The following ANKS1B variants were observed in gnomAD, a reference collection of about 807,000 sequenced individuals.
ANKS1B encodes ankyrin repeat and sterile alpha motif domain-containing protein 1B.
ANKS1B carries 36 observed loss-of-function variants against 148.3 expected under a neutral mutation model. The ratio of observed to expected loss-of-function variants is 0.24; its 90% CI spans 0.19 to 0.32. ANKS1B has a LOEUF of 0.32. ANKS1B is among the 10% of genes least tolerant of loss of function. The probability of loss-of-function intolerance (pLI) is 1.00; values close to 1 mark genes in which losing one functional copy is unlikely to be tolerated. For synonymous variants in ANKS1B, 542 were observed against 560.8 expected, an observed-to-expected ratio of 0.97 and a Z score of 0.47; for missense variants, 1,157 against 1,542.6, an observed-to-expected ratio of 0.75 and a Z score of 4.19.
chr12:99,458,248 C>G (rs2095878568), intron 10 of ANKS1B, among the ~76,000 whole-genome samples: 2 of 151,962 alleles, frequency 1.3e-5, no homozygotes, highest in African/African-American at 4.8e-5. Context: ...CACAACCTAT[C>G]AAAACCTCTG....
intron 9 of ANKS1B, among the ~76,000 whole-genome samples, chr12:99,593,290 C>A (rs1315168351): frequency 6.6e-6 from 1 of 151,812 alleles, no homozygotes; most frequent in Non-Finnish European, 1.5e-5. Context: ...TCATGAAGTA[C>A]AGTGATATAA....
chr12:99,084,318 G>C (rs888070783), intron 16 of ANKS1B, among the ~76,000 whole-genome samples: 2 of 152,116 alleles, frequency 1.3e-5, no homozygotes, highest in Admixed American at 6.5e-5. Context: ...CTGCCACCTG[G>C]GGGGCCAGAA....
intron 1 of ANKS1B, among the ~76,000 whole-genome samples, chr12:99,964,140 A>G (rs1446493968): frequency 1.3e-5 from 2 of 152,202 alleles, no homozygotes; most frequent in Admixed American, 6.5e-5. Flanking sequence ...AAAGCCCATT[A>G]AAGAATGCAA....
chr12:98,783,969 T>C (rs918990113), intron 22 of ANKS1B, among the ~76,000 whole-genome samples: 6 of 152,014 alleles, frequency 3.9e-5, no homozygotes, highest in South Asian at 2.1e-4. Context: ...AGTAGAGGCA[T>C]TGGAGAACAG....
chr12:99,227,665 T>G (rs370751340), intron 14 of ANKS1B, among the ~76,000 whole-genome samples: 3 of 152,302 alleles, frequency 2.0e-5, no homozygotes, highest in African/African-American at 7.2e-5. Context: ...ACTACTTGTT[T>G]GTCACATAAA....
At chr12:99,347,605 T>C (rs892109644) in intron 12 of ANKS1B, among the ~76,000 whole-genome samples, 1 of 151,960 alleles carries the variant, frequency 6.6e-6, no homozygotes, top group Non-Finnish European at 1.5e-5. Flanking sequence ...TAGCTGACCA[T>C]TGAGTTAGTA....
In ANKS1B at chr12:99,680,392, G is replaced by C. The variant is rs144669057; in HGVS notation, c.1129-25182C>G. ...GGAGGCAGAGGTTGCAGTGAGCCAC[G>C]ATCACGCCACTGCACACCAGGCTGT... On this transcript the variant is annotated intron_variant, in intron 8 of 26. Coordinates refer to ENST00000683438, the MANE Select transcript of ANKS1B (RefSeq NM_001352186.2). Among the ~76,000 whole-genome samples, 7 of 151,878 alleles carry C rather than the reference G, an allele frequency of 4.6e-5. No homozygotes were observed. In the South Asian group the frequency reaches 1.0e-3, roughly 23 times the overall value.
rs543810060 is a variant in ANKS1B at position 98,964,670 on chromosome 12, C to T, written c.2778+88487G>A. On this transcript the variant is annotated intron_variant, in intron 17 of 26. Coordinates refer to ENST00000683438, the MANE Select transcript of ANKS1B (RefSeq NM_001352186.2). The stretch of plus-strand genomic sequence containing the variant: ...CATTGTCAACAACGTGGATGGAACA[C>T]GAGGTCATTATGTTAAGTGAAATAA... Among the ~76,000 whole-genome samples the T allele has an allele frequency of 4.4e-4, 67 of 152,234 alleles. No homozygotes were observed. The South Asian group carries it at 0.013, about 29-fold the overall frequency.
chr12:99,671,355 T>C (rs1184319317), intron 8 of ANKS1B, among the ~76,000 whole-genome samples: 1 of 151,858 alleles, frequency 6.6e-6, no homozygotes, highest in Non-Finnish European at 1.5e-5. Context: ...TGTGTGTGTA[T>C]ATTGGACTGA....
intron 17 of ANKS1B, among the ~76,000 whole-genome samples, chr12:98,837,369 TA>T (rs930499227): frequency 2.7e-5 from 4 of 148,910 alleles, no homozygotes; most frequent in African/African-American, 9.9e-5. Flanking sequence ...GAAAAGGAAA[TA>T]AAAGTTATGG....
At chr12:99,096,015 A>G (rs1333503700) in intron 15 of ANKS1B, among the ~76,000 whole-genome samples, 1 of 152,228 alleles carries the variant, frequency 6.6e-6, no homozygotes, top group Non-Finnish European at 1.5e-5. Flanking sequence ...TGAAGATGAC[A>G]GGTGTCCAGA....
chr12:99,715,599 C>T (rs2153542945), intron 8 of ANKS1B, among the ~76,000 whole-genome samples: 1 of 152,300 alleles, frequency 6.6e-6, no homozygotes, highest in South Asian at 2.1e-4. Flanking sequence ...AAATTTGGTG[C>T]CGTGACTCGG....
At chr12:99,213,504 T>C (rs2083664561) in intron 14 of ANKS1B, among the ~76,000 whole-genome samples, 1 of 152,154 alleles carries the variant, frequency 6.6e-6, no homozygotes, top group Admixed American at 6.5e-5. Context: ...AGAAGTCCAC[T>C]CAGACGTGTC....
intron 7 of ANKS1B, among the ~76,000 whole-genome samples, chr12:99,774,373 A>T (rs2063465886): frequency 6.6e-6 from 1 of 152,132 alleles, no homozygotes; most frequent in Non-Finnish European, 1.5e-5. Flanking sequence ...CCCAAGGTAT[A>T]TGAAAAGGTG....
chr12:99,425,728 T>C (rs550565927), intron 11 of ANKS1B, among the ~76,000 whole-genome samples: 1 of 152,068 alleles, frequency 6.6e-6, no homozygotes, highest in South Asian at 2.1e-4. Context: ...CTTTCTTAAA[T>C]TGGGTATTTA....
chr12:99,982,944 G>T (rs902452441), intron 1 of ANKS1B, among the ~76,000 whole-genome samples: 1 of 152,012 alleles, frequency 6.6e-6, no homozygotes, highest in Non-Finnish European at 1.5e-5. Context: ...TAATTGCACT[G>T]TCTGACCACC....
At chr12:99,590,059 A>C (rs1567422019) in intron 9 of ANKS1B, among the ~76,000 whole-genome samples, 1 of 152,186 alleles carries the variant, frequency 6.6e-6, no homozygotes, top group African/African-American at 2.4e-5. Context: ...GTAATCATTA[A>C]AACAGTTACA....
At chr12:99,099,323 G>C (rs887329215) in intron 15 of ANKS1B, among the ~76,000 whole-genome samples, 3 of 152,228 alleles carry the variant, frequency 2.0e-5, no homozygotes, top group African/African-American at 7.2e-5. Context: ...TTTGCGGGGT[G>C]GGGGTCCCCT....
intron 1 of ANKS1B, among the ~76,000 whole-genome samples, chr12:99,865,256 G>A (rs2090575242): frequency 6.6e-6 from 1 of 152,120 alleles, no homozygotes; most frequent in South Asian, 2.1e-4. Flanking sequence ...TTTACACTTT[G>A]CCATATTATG....
Sources: allele counts gnomAD v4.1 joint callset (sites outside exome capture counted in the v4.1 genomes callset), GRCh38; gene constraint gnomAD v4.1.1; transcripts MANE v1.5; gene names NCBI Gene and HGNC (gene_info 2026-07-23, HGNC 2026-07-21).